TOX3: variants seen among roughly 807,000 people sequenced by gnomAD.
TOX3 encodes TOX high mobility group box family member 3.
A neutral mutation model predicts 64.3 loss-of-function variants in TOX3; 22 were observed. That is an observed-to-expected ratio of 0.34 (90% CI 0.24 to 0.49). The LOEUF (loss-of-function observed/expected upper bound fraction) is 0.49. Among genes scored for constraint, TOX3 ranks in the 20% least tolerant of loss-of-function variants. The pLI is 0.99. For synonymous variants in TOX3, 291 were observed against 273.6 expected (o/e 1.06, Z -0.63); for missense variants, 661 against 714.4 (o/e 0.93, Z 0.85).
Position 52,438,135 on chromosome 16 carries a change from C to T in TOX3, c.*1090G>A, listed in dbSNP as rs1959806216. 6.6e-6 allele frequency: 1 copy of T among 152,478 alleles called. No individual in the cohort carries two copies. The highest frequency in any genetic ancestry group is 2.4e-5 in the African/African-American group (1 of 41,400). 9.4% of individuals were successfully genotyped at this position (152,478 alleles called of 1,614,324 possible). A position where few individuals can be genotyped will look rare whatever the true frequency, so the allele number is the denominator to read the frequency against. ...TAAAAGCATTTTTGTTTTAGTTAAGCAAAATACAAACAACTTAATTGCTGC... is the reference window on the plus strand; with the variant it reads ...TAAAAGCATTTTTGTTTTAGTTAAGTAAAATACAAACAACTTAATTGCTGC... On this transcript the variant is annotated 3_prime_UTR_variant, in exon 7 of 7. Transcript: ENST00000219746.
At chr16:52,512,919 T>C (rs763323968) in intron 1 of TOX3, among the ~76,000 whole-genome samples, 12 of 152,326 alleles carry the variant, frequency 7.9e-5, no homozygotes, top group African/African-American at 2.9e-4. Context: ...GAGAACACGG[T>C]GTGAGTAACG....
intron 4 of TOX3, among the ~76,000 whole-genome samples, chr16:52,449,486 G>T (rs192666465): frequency 6.6e-6 from 1 of 152,110 alleles, no homozygotes; most frequent in South Asian, 2.1e-4. Flanking sequence ...AAGCAGAATC[G>T]ATTAGAATCT....
intron 3 of TOX3, among the ~76,000 whole-genome samples, chr16:52,462,423 C>CT (rs1960718529): frequency 1.3e-5 from 2 of 152,142 alleles, no homozygotes; most frequent in South Asian, 4.2e-4. Flanking sequence ...CTCCTTTACA[C>CT]TTTTTTATGG....
intron 1 of TOX3, among the ~76,000 whole-genome samples, chr16:52,494,001 C>G (rs771420485): frequency 9.9e-5 from 15 of 152,146 alleles, no homozygotes; most frequent in Non-Finnish European, 1.5e-4. Flanking sequence ...TATTTTCTGA[C>G]TGATAATCCA....
At chr16:52,510,002 G>T (rs1206877900) in intron 1 of TOX3, among the ~76,000 whole-genome samples, 3 of 152,094 alleles carry the variant, frequency 2.0e-5, no homozygotes. Flanking sequence ...GATATTTGCT[G>T]CTGGTAATAA....
At chr16:52,495,014 A>G (rs1453952821) in intron 1 of TOX3, among the ~76,000 whole-genome samples, 2 of 152,188 alleles carry the variant, frequency 1.3e-5, no homozygotes, top group Non-Finnish European at 2.9e-5. Context: ...TGTGGGTGAA[A>G]GCGGCATCGG....
At chr16:52,530,218 T>A (rs1962820715) in intron 1 of TOX3, among the ~76,000 whole-genome samples, 1 of 152,094 alleles carries the variant, frequency 6.6e-6, no homozygotes, top group South Asian at 2.1e-4. Context: ...TCCCAGGAAG[T>A]TGAATTCTAA....
chr16:52,455,384 C>T (rs766686607), intron 3 of TOX3, among the ~76,000 whole-genome samples: 28 of 151,942 alleles, frequency 1.8e-4, no homozygotes, highest in African/African-American at 2.4e-4. Context: ...CTTTCCCTAC[C>T]GGGCTGTGAC....
intron 1 of TOX3, among the ~76,000 whole-genome samples, chr16:52,501,249 TG>T (rs1961992169): frequency 6.6e-6 from 1 of 152,240 alleles, no homozygotes; most frequent in South Asian, 2.1e-4. Flanking sequence ...TTTAATAACA[TG>T]GGCACCCAAT....
intron 5 of TOX3, 76 bp from the exon 6 acceptor site, chr16:52,444,432 G>T (rs1369929189): frequency 1.5e-6 from 2 of 1,293,940 alleles, no homozygotes; most frequent in Admixed American, 4.7e-5. Flanking sequence ...CACAAATTAG[G>T]TCACATAAAC....
rs980576855 is a variant in TOX3 at position 52,546,680 on chromosome 16, C to A, written c.44G>T (p.Ser15Ile). The A allele has an allele frequency of 1.0e-5, 16 of 1,543,888 alleles. No homozygotes were observed. The highest frequency in any genetic ancestry group is 1.4e-5 in the Non-Finnish European group (16 of 1,148,394). ...FYPAAAGDPA[S>I]LDFAQCLGYY... ...CCCCAGGCACTGCGCGAAGTCCAGG[C>A]TGGCAGGGTCCCCGGCCGCCGCGGG... Residue 15 changes from serine (S) to isoleucine (I), a missense_variant, in exon 1 of 7, where the codon AGC becomes ATC. Around this residue, in one of 3 missense-constraint regions of TOX3, gnomAD observed 259 missense variants for 261.2 expected, o/e 0.99. Coordinates refer to ENST00000219746, the MANE Select transcript of TOX3 (RefSeq NM_001080430.4).
intron 1 of TOX3, among the ~76,000 whole-genome samples, chr16:52,536,673 A>C (rs1373454836): frequency 1.1e-5 from 1 of 93,396 alleles, no homozygotes; most frequent in Non-Finnish European, 2.4e-5. Context: ...ATATATATAT[A>C]TATACATGTG....
intron 3 of TOX3, among the ~76,000 whole-genome samples, chr16:52,455,864 G>C (rs1347796286): frequency 2.0e-5 from 3 of 152,190 alleles, no homozygotes; most frequent in Non-Finnish European, 4.4e-5. Context: ...CAATAGGCTT[G>C]GAGAGACTGG....
chr16:52,524,813 G>A (rs147055861), intron 1 of TOX3, among the ~76,000 whole-genome samples: 2 of 152,092 alleles, frequency 1.3e-5, no homozygotes, highest in East Asian at 3.9e-4. Context: ...TCCTCTCTGG[G>A]TCTCCTTTCT....
rs1317942555 is a variant in TOX3, at chr16:52,439,811, G to A, written c.1145C>T (p.Ser382Leu). Residue 382 changes from serine (S) to leucine (L), a missense_variant, in exon 7 of 7, where the codon TCA becomes TTA. Ser to Leu is a moderately radical substitution (Grantham distance 145). Around this residue, in one of 3 missense-constraint regions of TOX3, gnomAD observed 299 missense variants for 292.1 expected, o/e 1.02. Coordinates refer to ENST00000219746, the MANE Select transcript of TOX3 (RefSeq NM_001080430.4). The part of the protein sequence containing the change: ...PQTLQQSLPR[S>L]IAPKPLTMRL... ...CATGGTTAAGGGTTTGGGAGCGATT[G>A]ACCTAGGGAGGGATTGCTGGAGAGT... The A allele has an allele frequency of 1.9e-6, 3 of 1,613,794 alleles. No individual in the cohort carries two copies. The highest frequency in any genetic ancestry group is 2.7e-5 in the African/African-American group (2 of 74,906).
At chr16:52,518,232 C>A (rs1221738330) in intron 1 of TOX3, among the ~76,000 whole-genome samples, 2 of 152,146 alleles carry the variant, frequency 1.3e-5, no homozygotes, top group Non-Finnish European at 2.9e-5. Context: ...ATTTGATTCT[C>A]AATAATTACT....
At chr16:52,457,393 T>A (rs1960552261) in intron 3 of TOX3, among the ~76,000 whole-genome samples, 1 of 152,202 alleles carries the variant, frequency 6.6e-6, no homozygotes, top group Admixed American at 6.5e-5. Context: ...ATGCATCTTC[T>A]ATCTATACTT....
chr16:52,540,158 T>G (rs1963044931), intron 1 of TOX3, among the ~76,000 whole-genome samples: 1 of 151,904 alleles, frequency 6.6e-6, no homozygotes, highest in Non-Finnish European at 1.5e-5. Context: ...GGCAGGAGGA[T>G]CACTGGCGGC....
At chr16:52,454,434 T>C (rs1429194969) in intron 3 of TOX3, among the ~76,000 whole-genome samples, 7 of 152,138 alleles carry the variant, frequency 4.6e-5, no homozygotes, top group African/African-American at 1.7e-4. Flanking sequence ...ACCCACATAA[T>C]TGATGCATCA....
Sources: gnomAD v4.1 joint callset for allele counts (sites outside exome capture counted in the v4.1 genomes callset) on GRCh38, gnomAD v4.1.1 for gene constraint, gnomAD v4.1.1 regional missense constraint, MANE v1.5 for transcripts, NCBI Gene and HGNC (gene_info 2026-07-23, HGNC 2026-07-21) for gene names.